Variants in TAF1B observed in about 807,000 individuals in gnomAD.
TAF1B encodes TATA-box binding protein associated factor, RNA polymerase I subunit B, also known as TATA box-binding protein-associated factor RNA polymerase I subunit B.
TAF1B carries 61 observed loss-of-function variants against 83.9 expected under a neutral mutation model. That is an observed-to-expected ratio of 0.73 (90% CI 0.59 to 0.90). The LOEUF is 0.90. TAF1B is among the 40% of genes least tolerant of loss of function. TAF1B has a pLI of 0.00. For missense variants in TAF1B, 625 were observed against 677.0 expected (o/e 0.92, Z 0.85); for synonymous variants, 221 against 224.6 (o/e 0.98, Z 0.14).
Position 9,888,790 on chromosome 2 carries a change from G to GGTTTTTTT in TAF1B, c.807+5985_807+5986insGTTTTTTT, listed in dbSNP as rs753209727. Among the ~76,000 whole-genome samples, 2 of 81,668 alleles carry GGTTTTTTT rather than the reference G, an allele frequency of 2.4e-5. 1 individual carries two copies. The highest frequency in any genetic ancestry group is 4.2e-5 in the Non-Finnish European group (2 of 47,652). 53.6% of individuals were successfully genotyped at this position (81,668 alleles called of 152,430 possible). ...GTTTTCTTTATGTTTCTTCTGCTTG[G>GGTTTTTTT]TTTTTTTTTTTTTTTTTTTTTTTTT... On this transcript the variant is annotated intron_variant, in intron 8 of 14. Transcript: ENST00000263663.
chr2:9,926,779 C>T (rs1172055416), intron 14 of TAF1B, among the ~76,000 whole-genome samples: 1 of 132,916 alleles, frequency 7.5e-6, no homozygotes, highest in Admixed American at 8.6e-5. Flanking sequence ...GCAGAGGTTG[C>T]AGTCAGCGGG....
chr2:9,855,272 G>T (rs1050676024), intron 5 of TAF1B, among the ~76,000 whole-genome samples: 3 of 152,258 alleles, frequency 2.0e-5, no homozygotes, highest in Non-Finnish European at 2.9e-5. Flanking sequence ...TGGGATTACA[G>T]GCGTGAGCCA....
intron 11 of TAF1B, among the ~76,000 whole-genome samples, chr2:9,911,892 T>C (rs1454325826): frequency 6.6e-6 from 1 of 152,228 alleles, no homozygotes; most frequent in African/African-American, 2.4e-5. Context: ...TGTTGGTCCC[T>C]CTATCTGAAA....
At chr2:9,886,971 A>G (rs1664694302) in intron 8 of TAF1B, among the ~76,000 whole-genome samples, 2 of 152,168 alleles carry the variant, frequency 1.3e-5, no homozygotes, top group Admixed American at 6.5e-5. Context: ...AGGCTGAGGC[A>G]GGAGAATCGC....
intron 2 of TAF1B, among the ~76,000 whole-genome samples, chr2:9,849,004 C>CA (rs1218454869): frequency 2.6e-5 from 4 of 152,078 alleles, no homozygotes; most frequent in Non-Finnish European, 5.9e-5. Context: ...TTACCAGTTA[C>CA]AAAAAATACA....
intron 9 of TAF1B, among the ~76,000 whole-genome samples, chr2:9,907,996 T>C (rs1445836356): frequency 6.6e-6 from 1 of 150,598 alleles, no homozygotes; most frequent in African/African-American, 2.4e-5. Context: ...TCTGTACTTT[T>C]GGCATAAGCG....
chr2:9,874,806 A>C (rs1664271266), intron 6 of TAF1B, among the ~76,000 whole-genome samples: 1 of 152,110 alleles, frequency 6.6e-6, no homozygotes, highest in Non-Finnish European at 1.5e-5. Context: ...TAAGTTTTGG[A>C]GTTTTGGAGA....
intron 12 of TAF1B, among the ~76,000 whole-genome samples, chr2:9,915,456 AC>A (rs1665654546): frequency 6.6e-6 from 1 of 152,282 alleles, no homozygotes; most frequent in East Asian, 1.9e-4. Context: ...TAAGAAAAAA[AC>A]TCCATTTTTT....
At chr2:9,932,099 G>C (rs1276975485) in intron 14 of TAF1B, among the ~76,000 whole-genome samples, 1 of 152,134 alleles carries the variant, frequency 6.6e-6, no homozygotes, top group Non-Finnish European at 1.5e-5. Context: ...GCTTCCTTGC[G>C]ATGGGTTTGA....
chr2:9,854,693 G>T (rs1663501912), intron 5 of TAF1B, among the ~76,000 whole-genome samples: 1 of 152,158 alleles, frequency 6.6e-6, no homozygotes, highest in Non-Finnish European at 1.5e-5. Context: ...TGATTTTCTA[G>T]ATAGAAGATA....
chr2:9,874,363 G>A (rs951552591), intron 6 of TAF1B, among the ~76,000 whole-genome samples: 5 of 151,984 alleles, frequency 3.3e-5, no homozygotes, highest in African/African-American at 9.7e-5. Flanking sequence ...ATAAAGTAGC[G>A]CATCTCTCTT....
chr2:9,855,149 C>T (rs980693060), intron 5 of TAF1B, among the ~76,000 whole-genome samples: 9 of 152,182 alleles, frequency 5.9e-5, no homozygotes, highest in African/African-American at 9.7e-5. Flanking sequence ...CGCCCGCCAC[C>T]ACACCTGGTT....
rs146798607 is a variant in TAF1B at position 9,910,760 on chromosome 2, A to T, written c.980A>T (p.His327Leu). The part of the protein sequence containing the change: ...LPDEMHSLTC[H>L]VVKMTGMGEV... ...GATGAAATGCATAGCTTAACTTGCC[A>T]CGTGGTAAAAATGACTGGAATGGGA... Residue 327 changes from histidine to leucine, a missense_variant, in exon 10 of 15, where the codon CAC becomes CTC. Transcript: ENST00000263663. The T allele has an allele frequency of 1.5e-5, 24 of 1,611,474 alleles. No individual in the cohort carries two copies. Among genetic ancestry groups the T allele is most frequent in the Middle Eastern group, 3.3e-4 (2 of 6,074 alleles).
chr2:9,922,848 G>A (rs192382473), intron 14 of TAF1B, among the ~76,000 whole-genome samples: 3 of 152,290 alleles, frequency 2.0e-5, no homozygotes, highest in African/African-American at 7.2e-5. Flanking sequence ...AAGTTCTTGT[G>A]AGAATTGAAT....
chr2:9,889,589 A>C (rs990662293), intron 8 of TAF1B, among the ~76,000 whole-genome samples: 4 of 151,708 alleles, frequency 2.6e-5, no homozygotes, highest in Non-Finnish European at 5.9e-5. Flanking sequence ...TGTTTTATTG[A>C]TTGGTTATGT....
intron 14 of TAF1B, among the ~76,000 whole-genome samples, chr2:9,933,324 C>T (rs975816234): frequency 8.5e-5 from 13 of 152,200 alleles, no homozygotes; most frequent in Non-Finnish European, 1.3e-4. Flanking sequence ...ATGGAAATTG[C>T]TTGGTAAACT....
chr2:9,917,393 A>G (rs994635846), intron 12 of TAF1B, among the ~76,000 whole-genome samples: 2 of 152,186 alleles, frequency 1.3e-5, no homozygotes, highest in African/African-American at 4.8e-5. Context: ...ATTATTATAG[A>G]TGCTACAGAT....
At chr2:9,899,480 G>T (rs2125166178) in intron 8 of TAF1B, among the ~76,000 whole-genome samples, 1 of 151,990 alleles carries the variant, frequency 6.6e-6, no homozygotes, top group African/African-American at 2.4e-5. Context: ...ACCACATTTT[G>T]TTCATCCATT....
intron 9 of TAF1B, among the ~76,000 whole-genome samples, chr2:9,907,003 G>A (rs1239807847): frequency 2.6e-5 from 4 of 152,068 alleles, no homozygotes; most frequent in South Asian, 4.2e-4. Flanking sequence ...TCAGCCTCCC[G>A]AGTAGCTGAG....
Sources: gnomAD v4.1 joint callset for allele counts (sites outside exome capture counted in the v4.1 genomes callset) on GRCh38, gnomAD v4.1.1 for gene constraint, MANE v1.5 for transcripts, NCBI Gene and HGNC (gene_info 2026-07-23, HGNC 2026-07-21) for gene names.